RAP1GAP2: variants seen among roughly 807,000 people sequenced by gnomAD.
RAP1GAP2 encodes the protein RAP1 GTPase activating protein 2.
In RAP1GAP2, 27 loss-of-function variants were observed where a neutral mutation model predicts 95.0. The ratio of observed to expected loss-of-function variants is 0.28; its 90% CI spans 0.21 to 0.39. The LOEUF is 0.39. Ranked by LOEUF, RAP1GAP2 falls within the 10% of genes least tolerant of loss-of-function variation. The pLI is 1.00. For synonymous variants in RAP1GAP2, 373 were observed against 380.9 expected (o/e 0.98, Z 0.24); for missense variants, 771 against 970.0 (o/e 0.79, Z 2.72).
chr17:3,008,706 C>T lies in RAP1GAP2; in HGVS notation c.1494+561C>T, dbSNP rs888619245. ...GCTGCTAAAGGAAGCAGTGAGCTCCCTGTCCCTGGAAGTATTCAAGTGGAG... is the reference window on the plus strand; with the variant it reads ...GCTGCTAAAGGAAGCAGTGAGCTCCTTGTCCCTGGAAGTATTCAAGTGGAG... On this transcript the variant is annotated intron_variant, in intron 17 of 24. Transcript: ENST00000254695. The surrounding 1 kb of genome is among the most constrained non-coding windows in gnomAD (Gnocchi z 4.2). 5.3e-5 allele frequency among the ~76,000 whole-genome samples: 8 copies of T among 152,208 alleles called. No homozygotes were observed. The highest frequency in any genetic ancestry group is 8.8e-5 in the Non-Finnish European group (6 of 68,038).
intron 17 of RAP1GAP2, among the ~76,000 whole-genome samples, chr17:3,015,094 T>G (rs2046712216): frequency 6.6e-6 from 1 of 152,194 alleles, no homozygotes; most frequent in Admixed American, 6.5e-5. Context: ...CCTCAGTTGT[T>G]CAAAGGGTAC....
chr17:2,758,161 G>A (rs572608409), intron 1 of RAP1GAP2, among the ~76,000 whole-genome samples: 39 of 140,780 alleles, frequency 2.8e-4, no homozygotes, highest in Middle Eastern at 8.5e-3. Flanking sequence ...GAGCCACCAC[G>A]CCTGGCCACG....
intron 2 of RAP1GAP2, among the ~76,000 whole-genome samples, chr17:2,802,553 T>TA (rs1316611110): frequency 2.0e-5 from 3 of 151,684 alleles, no homozygotes; most frequent in South Asian, 2.1e-4. Context: ...CTGCTAAAAA[T>TA]AAAAAAAATT....
intron 2 of RAP1GAP2, among the ~76,000 whole-genome samples, chr17:2,848,741 T>C (rs1178455719): frequency 6.6e-6 from 1 of 152,146 alleles, no homozygotes; most frequent in Admixed American, 6.5e-5. Context: ...CTCGAACTCC[T>C]GGCCTCAAGT....
At chr17:2,833,196 G>A (rs1238410473) in intron 2 of RAP1GAP2, among the ~76,000 whole-genome samples, 1 of 148,770 alleles carries the variant, frequency 6.7e-6, no homozygotes, top group Non-Finnish European at 1.5e-5. Flanking sequence ...AGGCTGGAGT[G>A]CAGTGGTGCA....
chr17:2,807,924 G>A (rs1250175673), intron 2 of RAP1GAP2, among the ~76,000 whole-genome samples: 1 of 152,170 alleles, frequency 6.6e-6, no homozygotes, highest in Admixed American at 6.5e-5. Context: ...GCCACGTAAA[G>A]AGGTCCCCGG....
chr17:2,905,822 C>G, intron 3 of RAP1GAP2, among the ~76,000 whole-genome samples: 1 of 152,124 alleles, frequency 6.6e-6, no homozygotes, highest in East Asian at 1.9e-4. Context: ...GCTGGAGGTT[C>G]GGGTCGGGGT....
chr17:2,759,881 A>G (rs2071211668), intron 1 of RAP1GAP2, among the ~76,000 whole-genome samples: 1 of 152,276 alleles, frequency 6.6e-6, no homozygotes, highest in South Asian at 2.1e-4. Context: ...CGCCTGGCCC[A>G]TGGTTGGATA....
At chr17:2,960,384 G>T (rs1209816347) in intron 4 of RAP1GAP2, among the ~76,000 whole-genome samples, 1 of 152,176 alleles carries the variant, frequency 6.6e-6, no homozygotes, top group Non-Finnish European at 1.5e-5. Flanking sequence ...GCTGGGACAG[G>T]GTCTGTAGGG....
At chr17:2,937,972 G>A (rs1180629434) in intron 3 of RAP1GAP2, among the ~76,000 whole-genome samples, 1 of 152,172 alleles carries the variant, frequency 6.6e-6, no homozygotes, top group Non-Finnish European at 1.5e-5. Flanking sequence ...TGGAGCTGAA[G>A]CAAGCACAGG....
intron 12 of RAP1GAP2, among the ~76,000 whole-genome samples, chr17:2,992,647 G>A (rs903773986): frequency 6.6e-6 from 1 of 152,176 alleles, no homozygotes. Flanking sequence ...CAGCCAGATT[G>A]ACATGAGCTC....
chr17:2,991,804 G>A (rs2317461), intron 12 of RAP1GAP2, among the ~76,000 whole-genome samples: 1 of 152,070 alleles, frequency 6.6e-6, no homozygotes, highest in Non-Finnish European at 1.5e-5. Context: ...TTGCTCTGTT[G>A]CCCAGGCTGG....
At position 2,963,564 on chromosome 17, in the gene RAP1GAP2, G is replaced by A. The variant is rs2044442222; in HGVS notation, c.279+102G>A. 3.4e-6 allele frequency: 5 copies of A among 1,479,546 alleles called. No homozygotes were observed. The highest frequency in any genetic ancestry group is 1.1e-5 in the South Asian group (1 of 87,644). 91.7% of individuals were successfully genotyped at this position (1,479,546 alleles called of 1,614,324 possible). ...CCTGTGCCCAGCCCCCCAGGGGAGAGAACCTTGGGCCTGGGACCTCTCTTC... is the reference window on the plus strand; with the variant it reads ...CCTGTGCCCAGCCCCCCAGGGGAGAAAACCTTGGGCCTGGGACCTCTCTTC... On this transcript the variant is annotated intron_variant, in intron 6 of 24. Transcript: ENST00000254695. The surrounding 1 kb of genome is among the most constrained non-coding windows in gnomAD (Gnocchi z 4.8).
intron 1 of RAP1GAP2, among the ~76,000 whole-genome samples, chr17:2,761,713 A>G (rs2071251823): frequency 6.6e-6 from 1 of 152,150 alleles, no homozygotes. Context: ...CTTGAGTAAA[A>G]TGGTGAAGTA....
chr17:2,962,914 G>C (rs1031067952), intron 5 of RAP1GAP2, 200 bp downstream of exon 5: 12 of 591,880 alleles, frequency 2.0e-5, no homozygotes, highest in Non-Finnish European at 3.2e-5. Flanking sequence ...TGATGCCTTA[G>C]GACAGCTTCA....
intron 3 of RAP1GAP2, among the ~76,000 whole-genome samples, chr17:2,944,429 C>A (rs752503931): frequency 3.3e-5 from 5 of 152,208 alleles, no homozygotes; most frequent in Non-Finnish European, 7.3e-5. Context: ...GCAATCCTGT[C>A]AAAACACAGT....
At chr17:2,756,404 C>T (rs1481891866) in intron 1 of RAP1GAP2, among the ~76,000 whole-genome samples, 1 of 152,192 alleles carries the variant, frequency 6.6e-6, no homozygotes, top group Non-Finnish European at 1.5e-5. Context: ...GTCAGGTTAC[C>T]GGACTGCAAG....
chr17:2,988,498 C>CT (rs1393589897), intron 11 of RAP1GAP2, among the ~76,000 whole-genome samples: 1 of 152,134 alleles, frequency 6.6e-6, no homozygotes, highest in African/African-American at 2.4e-5. Context: ...TTGAGATTGG[C>CT]TTTTTTCCAG....
At chr17:2,944,520 C>T (rs1032318956) in intron 3 of RAP1GAP2, among the ~76,000 whole-genome samples, 6 of 152,300 alleles carry the variant, frequency 3.9e-5, no homozygotes, top group East Asian at 1.9e-4. Context: ...CAGGACCACA[C>T]GGTTTTGATC....
Sources: gnomAD v4.1 joint callset for allele counts (sites outside exome capture counted in the v4.1 genomes callset) on GRCh38, gnomAD v4.1.1 for gene constraint, Gnocchi (gnomAD v3.1) non-coding constraint, MANE v1.5 for transcripts, NCBI Gene and HGNC (gene_info 2026-07-23, HGNC 2026-07-21) for gene names.